The following CACNA2D2 variants were observed in gnomAD, a reference collection of about 807,000 sequenced individuals.
CACNA2D2 encodes calcium voltage-gated channel auxiliary subunit alpha2delta 2.
A neutral mutation model predicts 166.4 loss-of-function variants in CACNA2D2; 48 were observed. That is an observed-to-expected ratio of 0.29 (90% CI 0.23 to 0.37). The LOEUF is 0.37. Ranked by LOEUF, CACNA2D2 falls within the 10% of genes least tolerant of loss-of-function variation. The probability of loss-of-function intolerance (pLI) is 1.00; values close to 1 mark genes in which losing one functional copy is unlikely to be tolerated. For synonymous variants in CACNA2D2, 561 were observed against 573.7 expected (o/e 0.98, Z 0.32); for missense variants, 1,122 against 1,433.0 (o/e 0.78, Z 3.50).
At position 50,385,505 on chromosome 3, in the gene CACNA2D2, G is replaced by A. The variant is rs1166351490; in HGVS notation, c.511-1168C>T. The stretch of plus-strand genomic sequence containing the variant: ...TAGGCATTTGACCAAGCTGTGTCTT[G>A]TCTGGGGAAAGGGTGACCGTGCCTC... On this transcript the variant is annotated intron_variant, in intron 5 of 37. Coordinates refer to ENST00000424201, the MANE Select transcript of CACNA2D2 (RefSeq NM_006030.4). Among the ~76,000 whole-genome samples, 3 of 152,234 alleles carry A rather than the reference G, an allele frequency of 2.0e-5. No individual in the cohort carries two copies. In the East Asian group the frequency reaches 5.8e-4, roughly 29 times the overall value.
At chr3:50,399,957 G>A (rs1191575060) in intron 3 of CACNA2D2, among the ~76,000 whole-genome samples, 1 of 152,192 alleles carries the variant, frequency 6.6e-6, no homozygotes, top group African/African-American at 2.4e-5. Flanking sequence ...CACGGGAGGG[G>A]ACAAGTACCA....
intron 2 of CACNA2D2, among the ~76,000 whole-genome samples, chr3:50,434,906 C>T (rs983002703): frequency 3.9e-5 from 6 of 152,370 alleles, no homozygotes; most frequent in African/African-American, 1.4e-4. Flanking sequence ...GCCATGCCTC[C>T]ACGCTGCTCA....
At position 50,384,352 on chromosome 3, in the gene CACNA2D2, C is replaced by T. The variant is rs1351942166; in HGVS notation, c.511-15G>A. On this transcript the variant is annotated splice_polypyrimidine_tract_variant and intron_variant, in intron 5 of 37. Coordinates refer to ENST00000424201, the MANE Select transcript of CACNA2D2 (RefSeq NM_006030.4). Reference sequence around the variant, plus strand: ...TCAGGGTCGTCCTGCAGAAAGGGCACCCCCGAGCAATGTCAGGGCTGGAAA... The same window carrying T: ...TCAGGGTCGTCCTGCAGAAAGGGCATCCCCGAGCAATGTCAGGGCTGGAAA... 5.0e-6 allele frequency: 8 copies of T among 1,612,368 alleles called. No individual in the cohort carries two copies. The highest frequency in any genetic ancestry group is 6.8e-6 in the Non-Finnish European group (8 of 1,178,984).
chr3:50,475,993 C>T (rs1710292944), intron 2 of CACNA2D2, 125 bp downstream of exon 2: 4 of 768,432 alleles, frequency 5.2e-6, no homozygotes, highest in Middle Eastern at 2.3e-4. Flanking sequence ...CCCCCACGGG[C>T]CCATCAGGTC....
rs145860787 is a variant in CACNA2D2 at position 50,422,071 on chromosome 3, C to G, written c.405+12242G>C. Among the ~76,000 whole-genome samples the G allele has an allele frequency of 4.7e-3, 719 of 152,290 alleles. 9 individuals carry two copies. The highest frequency in any genetic ancestry group is 0.016 in the African/African-American group (661 of 41,542). ...GACCCAAAGGCACTGCTTCTACCCT[C>G]CATCCTCTTTAGCACCAGGAGCTGT... On this transcript the variant is annotated intron_variant, in intron 3 of 37. Transcript: ENST00000424201.
At chr3:50,400,554 C>T (rs114357931) in intron 3 of CACNA2D2, among the ~76,000 whole-genome samples, 91 of 152,362 alleles carry the variant, frequency 6.0e-4, no homozygotes, top group South Asian at 1.5e-3. Context: ...TGTCTTGCCC[C>T]GACCCCACAT....
At chr3:50,435,425 C>G (rs1018964782) in intron 2 of CACNA2D2, among the ~76,000 whole-genome samples, 38 of 151,890 alleles carry the variant, frequency 2.5e-4, no homozygotes, top group African/African-American at 9.0e-4. Flanking sequence ...AGTACAGGCT[C>G]CTTCACCACC....
chr3:50,502,185 G>A (rs114586948), intron 1 of CACNA2D2, among the ~76,000 whole-genome samples: 3,656 of 152,130 alleles, frequency 0.024, 159 homozygotes, highest in African/African-American at 0.082. Flanking sequence ...CCTTCCCCTT[G>A]GCCACCAGCA....
intron 3 of CACNA2D2, among the ~76,000 whole-genome samples, chr3:50,414,760 T>C (rs1310739201): frequency 6.6e-6 from 1 of 152,170 alleles, no homozygotes; most frequent in Admixed American, 6.5e-5. Context: ...TCCTATGAAA[T>C]TGCCAAGAGA....
chr3:50,503,904 C>G (rs1699097498), upstream of CACNA2D2, among the ~76,000 whole-genome samples: 1 of 152,186 alleles, frequency 6.6e-6, no homozygotes, highest in Non-Finnish European at 1.5e-5. Flanking sequence ...CCGCTCCTCC[C>G]CACCCCACCC....
Position 50,379,378 on chromosome 3 carries a change from A to G in CACNA2D2, c.1152+54T>C. On this transcript the variant is annotated intron_variant, in intron 11 of 37. Coordinates refer to ENST00000424201, the MANE Select transcript of CACNA2D2 (RefSeq NM_006030.4). The surrounding 1 kb of genome is among the most constrained non-coding windows in gnomAD (Gnocchi z 6.5). ...TCCGTCTTGATTTCCTGGGTACACC[A>G]AGCCAGGGCCCTCTACTCCCCCAGC... The G allele has an allele frequency of 6.3e-7, 1 of 1,597,486 alleles. No homozygotes were observed. Among genetic ancestry groups the G allele is most frequent in the South Asian group, 1.1e-5 (1 of 89,870 alleles).
intron 2 of CACNA2D2, among the ~76,000 whole-genome samples, chr3:50,462,070 T>C (rs1482235186): frequency 6.6e-6 from 1 of 151,768 alleles, no homozygotes; most frequent in Admixed American, 6.6e-5. Context: ...TGAGTAAAGG[T>C]TCACAGAAGA....
intron 1 of CACNA2D2, among the ~76,000 whole-genome samples, chr3:50,490,117 G>C (rs941207645): frequency 4.6e-5 from 7 of 152,130 alleles, no homozygotes; most frequent in Non-Finnish European, 8.8e-5. Context: ...ATGGGCAAAT[G>C]TCTATGCAGA....
At chr3:50,446,288 G>A (rs1454598250) in intron 2 of CACNA2D2, among the ~76,000 whole-genome samples, 7 of 152,222 alleles carry the variant, frequency 4.6e-5, no homozygotes, top group Admixed American at 1.3e-4. Context: ...CTCCACACCG[G>A]CCATCCATTT....
chr3:50,377,913 T>A, intron 15 of CACNA2D2, 95 bp downstream of exon 15: 1 of 1,499,846 alleles, frequency 6.7e-7, no homozygotes, highest in South Asian at 1.2e-5. Flanking sequence ...GTGCTTGGTT[T>A]ACCCCATAAG....
chr3:50,447,249 T>TACAGGCTGGAGGCC (rs1169687141), intron 2 of CACNA2D2, among the ~76,000 whole-genome samples: 2 of 152,160 alleles, frequency 1.3e-5, no homozygotes, highest in African/African-American at 4.8e-5. Flanking sequence ...GTCTGGAGGC[T>TACAGGCTGGAGGCC]ACAGGCTGGA....
chr3:50,481,514 G>A (rs532429985), intron 1 of CACNA2D2, among the ~76,000 whole-genome samples: 1 of 152,314 alleles, frequency 6.6e-6, no homozygotes, highest in Admixed American at 6.5e-5. Context: ...GGGGAAGCAG[G>A]AGGGCTGGAT....
intron 2 of CACNA2D2, among the ~76,000 whole-genome samples, chr3:50,467,625 A>G (rs1371220970): frequency 6.6e-6 from 1 of 152,176 alleles, no homozygotes; most frequent in South Asian, 2.1e-4. Context: ...ACACCCTTGC[A>G]TACTGAGGTC....
intron 2 of CACNA2D2, among the ~76,000 whole-genome samples, chr3:50,437,932 C>T (rs987487411): frequency 1.3e-5 from 2 of 152,242 alleles, no homozygotes; most frequent in African/African-American, 4.8e-5. Flanking sequence ...GCCAACTGCT[C>T]CCACAGCAGC....
Sources: allele counts gnomAD v4.1 joint callset (sites outside exome capture counted in the v4.1 genomes callset), GRCh38; gene constraint gnomAD v4.1.1; non-coding constraint Gnocchi (gnomAD v3.1); transcripts MANE v1.5; gene names NCBI Gene and HGNC (gene_info 2026-07-23, HGNC 2026-07-21).